IGF2BP2: variants seen among roughly 807,000 people sequenced by gnomAD.
The protein encoded by IGF2BP2 is insulin like growth factor 2 mRNA binding protein 2, also known as insulin-like growth factor 2 mRNA-binding protein 2.
Under a neutral mutation model 75.8 loss-of-function variants are expected in IGF2BP2, and 17 were observed. The ratio of observed to expected loss-of-function variants is 0.22; its 90% CI spans 0.15 to 0.34. The LOEUF (loss-of-function observed/expected upper bound fraction) is 0.34, where lower values mean the gene tolerates loss of function less well. Among genes scored for constraint, IGF2BP2 ranks in the 10% least tolerant of loss-of-function variants. The probability of loss-of-function intolerance (pLI) is 1.00; values close to 1 mark genes in which losing one functional copy is unlikely to be tolerated. For missense variants in IGF2BP2, 516 were observed against 772.4 expected, an observed-to-expected ratio of 0.67 and a Z score of 3.93; for synonymous variants, 288 against 295.6, an observed-to-expected ratio of 0.97 and a Z score of 0.26.
chr3:185,672,696 TGAAG>T (rs773485542), intron 9 of IGF2BP2, 27 bp from the exon 10 acceptor site: 16 of 1,613,640 alleles, frequency 9.9e-6, no homozygotes, highest in Non-Finnish European at 1.4e-5. Flanking sequence ...AGAAAAAAGA[TGAAG>T]GGAGGAGACC....
intron 2 of IGF2BP2, among the ~76,000 whole-genome samples, chr3:185,758,194 G>C (rs1221161956): frequency 1.3e-5 from 2 of 152,166 alleles, no homozygotes; most frequent in African/African-American, 4.8e-5. Flanking sequence ...TACTGTCAAA[G>C]AGTCCCACTC....
At chr3:185,726,410 G>C (rs573039347) in intron 2 of IGF2BP2, among the ~76,000 whole-genome samples, 12 of 152,198 alleles carry the variant, frequency 7.9e-5, no homozygotes, top group South Asian at 6.2e-4. Flanking sequence ...GAAATTTCCT[G>C]TGGGTCTGGA....
intron 2 of IGF2BP2, among the ~76,000 whole-genome samples, chr3:185,811,425 G>A (rs912071287): frequency 2.0e-5 from 3 of 152,172 alleles, no homozygotes; most frequent in Non-Finnish European, 4.4e-5. Context: ...GGCAGAGACT[G>A]CAAACTGGCA....
chr3:185,797,968 G>A (rs949977581), intron 2 of IGF2BP2, among the ~76,000 whole-genome samples: 1 of 149,998 alleles, frequency 6.7e-6, no homozygotes, highest in South Asian at 2.1e-4. Flanking sequence ...TTGGGAGGCC[G>A]AGGCAGGTGG....
chr3:185,810,642 C>T (rs905475610), intron 2 of IGF2BP2, among the ~76,000 whole-genome samples: 6 of 151,982 alleles, frequency 3.9e-5, no homozygotes, highest in Admixed American at 3.9e-4. Context: ...AGCGTGGTGG[C>T]GGACACCTGT....
chr3:185,730,754 T>C (rs1373295577), intron 2 of IGF2BP2, among the ~76,000 whole-genome samples: 1 of 151,950 alleles, frequency 6.6e-6, no homozygotes, highest in Non-Finnish European at 1.5e-5. Flanking sequence ...TGCCCAGGAG[T>C]GAGATGATGG....
chr3:185,650,982 C>T (rs1714502205), intron 13 of IGF2BP2, among the ~76,000 whole-genome samples: 1 of 152,216 alleles, frequency 6.6e-6, no homozygotes, highest in Non-Finnish European at 1.5e-5. Context: ...GATCACAGCT[C>T]ACTGCAGCCT....
chr3:185,766,347 G>A (rs538206355), intron 2 of IGF2BP2, among the ~76,000 whole-genome samples: 4 of 151,974 alleles, frequency 2.6e-5, no homozygotes, highest in African/African-American at 9.6e-5. Flanking sequence ...TCTAGAACGT[G>A]GACCAACAAA....
At chr3:185,801,721 T>C (rs1315226114) in intron 2 of IGF2BP2, among the ~76,000 whole-genome samples, 2 of 152,110 alleles carry the variant, frequency 1.3e-5, no homozygotes, top group Non-Finnish European at 2.9e-5. Flanking sequence ...TGCACACTTA[T>C]GTTTACTGCA....
At chr3:185,715,847 T>C (rs1412274800) in intron 2 of IGF2BP2, among the ~76,000 whole-genome samples, 1 of 152,122 alleles carries the variant, frequency 6.6e-6, no homozygotes, top group Non-Finnish European at 1.5e-5. Context: ...GGTTTTGCCA[T>C]GTTGGCCAGG....
At chr3:185,799,580 C>T (rs1560488972) in intron 2 of IGF2BP2, among the ~76,000 whole-genome samples, 1 of 152,002 alleles carries the variant, frequency 6.6e-6, no homozygotes, top group Non-Finnish European at 1.5e-5. Context: ...AACCCCGTCT[C>T]TACTAAAAAA....
At chr3:185,700,708 A>T (rs61149187) in intron 2 of IGF2BP2, among the ~76,000 whole-genome samples, 5,056 of 152,328 alleles carry the variant, frequency 0.033, 154 homozygotes, top group East Asian at 0.13. Flanking sequence ...TTACTGGTAG[A>T]TATTCTATTG....
At chr3:185,705,612 T>TA (rs1723915402) in intron 2 of IGF2BP2, among the ~76,000 whole-genome samples, 1 of 152,130 alleles carries the variant, frequency 6.6e-6, no homozygotes, top group Non-Finnish European at 1.5e-5. Flanking sequence ...CTGTTTGGAC[T>TA]ACTATAACAA....
intron 10 of IGF2BP2, among the ~76,000 whole-genome samples, chr3:185,670,758 C>T (rs186053184): frequency 1.2e-4 from 18 of 151,972 alleles, no homozygotes; most frequent in African/African-American, 3.6e-4. Flanking sequence ...TTAGTAGAGA[C>T]GGGGTTTCAC....
Position 185,649,412 on chromosome 3 carries a change from A to G in IGF2BP2, c.1584T>C (p.Gly528=). The G allele has an allele frequency of 6.2e-7, 1 of 1,613,358 alleles. No individual in the cohort carries two copies. The highest frequency in any genetic ancestry group is 8.5e-7 in the Non-Finnish European group (1 of 1,179,924). ...CCCGGAGCACACTTACGGTCTTGCC[A>G]CCTTTGCCAATCACCCGGCCAGCTG... The part of the protein sequence containing the change: ...SSTAGRVIGK[G]GKTVNELQNL... The change falls in exon 14 of 16, where the codon GGT becomes GGC. Residue 528 remains glycine, a synonymous_variant. Transcript: ENST00000382199.
At chr3:185,731,380 G>A (rs1269199090) in intron 2 of IGF2BP2, among the ~76,000 whole-genome samples, 1 of 151,676 alleles carries the variant, frequency 6.6e-6, no homozygotes, top group African/African-American at 2.4e-5. Context: ...CCTAGTAGCT[G>A]GGATTACAGG....
chr3:185,677,062 T>TAGAGAG (rs1174637870), intron 7 of IGF2BP2, among the ~76,000 whole-genome samples: 1 of 50,352 alleles, frequency 2.0e-5, no homozygotes, highest in Admixed American at 2.2e-4. Flanking sequence ...TATATATATA[T>TAGAGAG]ATATATAGAG....
chr3:185,712,277 CATAA>C (rs1724918510), intron 2 of IGF2BP2, among the ~76,000 whole-genome samples: 1 of 152,148 alleles, frequency 6.6e-6, no homozygotes, highest in Admixed American at 6.5e-5. Flanking sequence ...AATAATCAAT[CATAA>C]ATACTTATGA....
At position 185,667,215 on chromosome 3, in the gene IGF2BP2, A is replaced by T. The variant is rs1717777524; in HGVS notation, c.1200+5326T>A. On this transcript the variant is annotated intron_variant, in intron 10 of 15. Coordinates refer to ENST00000382199, the MANE Select transcript of IGF2BP2 (RefSeq NM_006548.6). ...TTGGGAAAATTGAATATCCATTTCA[A>T]AAAAAATAAAGTTAGATCTGTATCT... 3.3e-5 allele frequency among the ~76,000 whole-genome samples: 5 copies of T among 151,198 alleles called. No homozygotes were observed. In the South Asian group the frequency reaches 8.3e-4, roughly 25 times the overall value.
Sources: allele counts gnomAD v4.1 joint callset (sites outside exome capture counted in the v4.1 genomes callset), GRCh38; gene constraint gnomAD v4.1.1; transcripts MANE v1.5; gene names NCBI Gene and HGNC (gene_info 2026-07-23, HGNC 2026-07-21).